NNT: variants seen among roughly 807,000 people sequenced by gnomAD.
NNT encodes nicotinamide nucleotide transhydrogenase.
NNT carries 50 observed loss-of-function variants against 104.8 expected under a neutral mutation model. That is an observed-to-expected ratio of 0.48 (90% CI 0.38 to 0.60). NNT has a LOEUF of 0.60. Among genes scored for constraint, NNT ranks in the 20% least tolerant of loss-of-function variants. NNT has a pLI of 0.00. For synonymous variants in NNT, 461 were observed against 490.4 expected (o/e 0.94, Z 0.79); for missense variants, 1,131 against 1,330.7 (o/e 0.85, Z 2.33).
In NNT at chr5:43,667,857, A is replaced by G. The variant is rs567075742; in HGVS notation, c.2635-7654A>G. Among the ~76,000 whole-genome samples the G allele has an allele frequency of 3.9e-5, 6 of 152,328 alleles. No homozygotes were observed. In the East Asian group the frequency reaches 1.2e-3, roughly 29 times the overall value. The stretch of plus-strand genomic sequence containing the variant: ...AGGAATCGCCACACTGTCTTCCTCA[A>G]TGGTTGAACTAGTTTACAGTCCCAC... On this transcript the variant is annotated intron_variant, in intron 17 of 21. Transcript: ENST00000344920.
intron 3 of NNT, among the ~76,000 whole-genome samples, chr5:43,615,108 C>T (rs1190226632): frequency 6.6e-6 from 1 of 151,640 alleles, no homozygotes; most frequent in Non-Finnish European, 1.5e-5. Context: ...CTGCAGTCCG[C>T]AGTCCGGCCT....
intron 17 of NNT, among the ~76,000 whole-genome samples, chr5:43,667,729 C>T (rs1037458594): frequency 2.0e-5 from 3 of 152,142 alleles, no homozygotes; most frequent in East Asian, 1.9e-4. Flanking sequence ...AATAAACATA[C>T]GTGTGCATGT....
At chr5:43,677,668 T>G (rs905346494) in intron 18 of NNT, 57 bp from the exon 19 acceptor site, 1 of 1,456,236 alleles carries the variant, frequency 6.9e-7, no homozygotes, top group Non-Finnish European at 9.6e-7. Flanking sequence ...GAAGTTGTAC[T>G]TCATGTAATT....
At chr5:43,612,018 C>A (rs1749523573) in intron 2 of NNT, among the ~76,000 whole-genome samples, 1 of 152,202 alleles carries the variant, frequency 6.6e-6, no homozygotes, top group Non-Finnish European at 1.5e-5. Context: ...AGAAACCCCC[C>A]ATCTACTCCT....
At chr5:43,701,856 G>T (rs894900568) in intron 20 of NNT, among the ~76,000 whole-genome samples, 12 of 152,064 alleles carry the variant, frequency 7.9e-5, no homozygotes, top group African/African-American at 2.4e-4. Flanking sequence ...CTTCATGTTT[G>T]TTGACCACTT....
At chr5:43,687,610 A>C (rs981782555) in intron 19 of NNT, among the ~76,000 whole-genome samples, 1 of 152,202 alleles carries the variant, frequency 6.6e-6, no homozygotes, top group African/African-American at 2.4e-5. Flanking sequence ...AAACATTGGC[A>C]TTCTCTTGTA....
intron 17 of NNT, among the ~76,000 whole-genome samples, chr5:43,665,471 CA>C (rs1203665748): frequency 6.6e-6 from 1 of 151,996 alleles, no homozygotes; most frequent in Non-Finnish European, 1.5e-5. Context: ...ATCTGTTTAA[CA>C]AAGCACATCT....
intron 8 of NNT, 100 bp from the exon 9 acceptor site, chr5:43,644,511 A>G: frequency 4.2e-6 from 5 of 1,183,578 alleles, no homozygotes; most frequent in South Asian, 3.1e-5. Context: ...ATAAAGATAT[A>G]TAATTACAAA....
intron 6 of NNT, among the ~76,000 whole-genome samples, chr5:43,626,321 G>A (rs1750360480): frequency 6.6e-6 from 1 of 152,196 alleles, no homozygotes; most frequent in African/African-American, 2.4e-5. Flanking sequence ...ATGTATGTAG[G>A]CTACGTGCAA....
intron 2 of NNT, among the ~76,000 whole-genome samples, chr5:43,610,941 T>A (rs1210886876): frequency 6.6e-6 from 1 of 152,226 alleles, no homozygotes; most frequent in East Asian, 1.9e-4. Flanking sequence ...CTCTGAAAGA[T>A]AAGAAGTCTA....
At chr5:43,671,167 C>A (rs1034073290) in intron 17 of NNT, among the ~76,000 whole-genome samples, 2 of 152,274 alleles carry the variant, frequency 1.3e-5, no homozygotes, top group Non-Finnish European at 2.9e-5. Flanking sequence ...TATTTTGAGC[C>A]TATGCGTGTC....
At chr5:43,649,329 T>G in intron 11 of NNT, 21 bp downstream of exon 11, 3 of 1,613,560 alleles carry the variant, frequency 1.9e-6, no homozygotes, top group Non-Finnish European at 2.5e-6. Flanking sequence ...CTCTTGTTTT[T>G]CCTCATCTCA....
At chr5:43,626,744 A>G (rs569037006) in intron 6 of NNT, among the ~76,000 whole-genome samples, 3 of 150,956 alleles carry the variant, frequency 2.0e-5, no homozygotes, top group African/African-American at 7.3e-5. Flanking sequence ...AATTATATAT[A>G]TATAACTTTA....
At chr5:43,680,276 C>CT (rs1032537459) in intron 19 of NNT, among the ~76,000 whole-genome samples, 45 of 147,366 alleles carry the variant, frequency 3.1e-4, no homozygotes, top group Middle Eastern at 3.5e-3. Flanking sequence ...AGCTTTTTTC[C>CT]TTTTTTTTTT....
chr5:43,609,899 C>G (rs938654593), intron 2 of NNT, among the ~76,000 whole-genome samples: 1 of 152,188 alleles, frequency 6.6e-6, no homozygotes. Context: ...TCCAAGCCAT[C>G]GTCATCTGTC....
chr5:43,655,270 T>C (rs2111928098), intron 14 of NNT, among the ~76,000 whole-genome samples: 1 of 152,268 alleles, frequency 6.6e-6, no homozygotes, highest in African/African-American at 2.4e-5. Flanking sequence ...GAGGCACGCA[T>C]TGATGCTGGG....
At position 43,704,686 on chromosome 5, in the gene NNT, A is replaced by G. The variant is rs1328171801; in HGVS notation, c.*282A>G. 3 of 302,898 alleles carry G rather than the reference A, an allele frequency of 9.9e-6. No individual in the cohort carries two copies. The highest frequency in any genetic ancestry group is 9.6e-5 in the Admixed American group (2 of 20,748). 18.8% of individuals were successfully genotyped at this position (302,898 alleles called of 1,614,324 possible). On this transcript the variant is annotated 3_prime_UTR_variant, in exon 22 of 22. Coordinates refer to ENST00000344920, the MANE Select transcript of NNT (RefSeq NM_182977.3). ...AGGAGAAAGAACAGCCTCATTTTAG[A>G]TGTAGTCCTGTTGGATTTTTTATGC...
intron 10 of NNT, among the ~76,000 whole-genome samples, chr5:43,646,472 T>A (rs913720020): frequency 2.0e-5 from 3 of 151,436 alleles, no homozygotes; most frequent in African/African-American, 7.3e-5. Context: ...GTATTTTTTT[T>A]TTTTTTTGTA....
rs551797070 is a variant in NNT, at chr5:43,616,594, G to A, written c.599+529G>A. On this transcript the variant is annotated intron_variant, in intron 4 of 21. Coordinates refer to ENST00000344920, the MANE Select transcript of NNT (RefSeq NM_182977.3). ...ACCCATATTGATAACTGAGGGCTAT[G>A]TCTTCGACCTTTAAGGTCAAGATGG... 2.0e-5 allele frequency among the ~76,000 whole-genome samples: 3 copies of A among 152,368 alleles called. No individual in the cohort carries two copies. The South Asian group carries it at 6.2e-4, about 32-fold the overall frequency.
Sources: gnomAD v4.1 joint callset for allele counts (sites outside exome capture counted in the v4.1 genomes callset) on GRCh38, gnomAD v4.1.1 for gene constraint, MANE v1.5 for transcripts, NCBI Gene and HGNC (gene_info 2026-07-23, HGNC 2026-07-21) for gene names.